Variants in PROS1 observed in about 807,000 individuals in gnomAD.
PROS1 encodes protein S.
In PROS1, 29 loss-of-function variants were observed where a neutral mutation model predicts 75.9. That is an observed-to-expected ratio of 0.38 (90% CI 0.28 to 0.52). PROS1 has a LOEUF of 0.52. PROS1 is among the 20% of genes least tolerant of loss of function. The pLI, the probability that PROS1 is intolerant of heterozygous loss-of-function variation, is 0.83. For missense variants in PROS1, 680 were observed against 810.3 expected, an observed-to-expected ratio of 0.84 and a Z score of 1.95; for synonymous variants, 245 against 280.6, an observed-to-expected ratio of 0.87 and a Z score of 1.27.
intron 12 of PROS1, among the ~76,000 whole-genome samples, chr3:93,879,526 G>A (rs922950940): frequency 2.1e-4 from 32 of 152,122 alleles, no homozygotes; most frequent in African/African-American, 7.2e-4. Context: ...CCATCTTCCC[G>A]TTCTTCCTAG....
chr3:93,938,639 CCT>C (rs900677502), intron 1 of PROS1, among the ~76,000 whole-genome samples: 1 of 152,142 alleles, frequency 6.6e-6, no homozygotes, highest in African/African-American at 2.4e-5. Context: ...CTTCAATCTC[CCT>C]CTCTCGCTAT....
chr3:93,911,721 A>G (rs1708761942), intron 3 of PROS1, among the ~76,000 whole-genome samples: 1 of 152,248 alleles, frequency 6.6e-6, no homozygotes, highest in African/African-American at 2.4e-5. Flanking sequence ...TGCTGGTCTT[A>G]AAGTGGCACT....
At chr3:93,911,466 G>T (rs1708758886) in intron 3 of PROS1, among the ~76,000 whole-genome samples, 1 of 152,132 alleles carries the variant, frequency 6.6e-6, no homozygotes, top group Non-Finnish European at 1.5e-5. Flanking sequence ...CTTAGCTTTT[G>T]CCAAGGAACA....
At chr3:93,881,237 G>A (rs1708271506) in intron 12 of PROS1, among the ~76,000 whole-genome samples, 1 of 152,080 alleles carries the variant, frequency 6.6e-6, no homozygotes, top group Non-Finnish European at 1.5e-5. Context: ...CAGGAGGATT[G>A]CTTGAGCCCA....
At chr3:93,971,377 A>G (rs527843343) in intron 1 of PROS1, among the ~76,000 whole-genome samples, 1 of 148,668 alleles carries the variant, frequency 6.7e-6, no homozygotes, top group Non-Finnish European at 1.5e-5. Flanking sequence ...ATAAATAAAT[A>G]AATAAATAAA....
At chr3:93,909,270 C>T (rs1243132083) in intron 4 of PROS1, among the ~76,000 whole-genome samples, 2 of 151,724 alleles carry the variant, frequency 1.3e-5, no homozygotes, top group Non-Finnish European at 2.9e-5. Context: ...AAGACCCCAT[C>T]TCTATAAAAA....
chr3:93,910,772 G>C, intron 3 of PROS1, 67 bp from the exon 4 acceptor site: 1 of 1,321,776 alleles, frequency 7.6e-7, no homozygotes, highest in Non-Finnish European at 1.1e-6. Flanking sequence ...TTCATGGTAG[G>C]AACTGTCCCA....
At chr3:93,893,395 C>A (rs1434250825) in intron 9 of PROS1, among the ~76,000 whole-genome samples, 2 of 152,044 alleles carry the variant, frequency 1.3e-5, no homozygotes, top group Non-Finnish European at 2.9e-5. Context: ...TGTCATCTTT[C>A]TTTGACATAT....
intron 1 of PROS1, chr3:93,973,465 C>G: frequency 1.6e-6 from 1 of 607,510 alleles, no homozygotes. Flanking sequence ...GTAGGCAATA[C>G]ATTCTCGCAA....
intron 1 of PROS1, chr3:93,928,753 T>A (rs767606472): frequency 7.7e-7 from 1 of 1,295,832 alleles, no homozygotes; most frequent in African/African-American, 1.5e-5. Context: ...AATACAGAAA[T>A]GCATGCACGG....
rs1187821662 is a variant in PROS1 at position 93,898,546 on chromosome 3, T to G, written c.751A>C (p.Met251Leu). Reference sequence around the variant, plus strand: ...TAATTGACACAAAGCTGAGCACACATGTTCTCAGAGCATTCATCTATATCT... The same window carrying G: ...TAATTGACACAAAGCTGAGCACACAGGTTCTCAGAGCATTCATCTATATCT... ...CEDIDECSEN[M>L]CAQLCVNYPG... The change falls in exon 8 of 15, where the codon ATG (methionine) becomes CTG (leucine). Residue 251 changes from methionine to leucine, a missense_variant. Met to Leu is a conservative substitution (Grantham distance 15). Transcript: ENST00000394236. 2 of 1,612,620 alleles carry G rather than the reference T, an allele frequency of 1.2e-6. No individual in the cohort carries two copies.
intron 1 of PROS1, among the ~76,000 whole-genome samples, chr3:93,961,752 C>G (rs2107261540): frequency 6.6e-6 from 1 of 152,302 alleles, no homozygotes; most frequent in East Asian, 1.9e-4. Context: ...TGCTTTCATT[C>G]CATTTGCTAG....
At chr3:93,874,876 A>C (rs950246392) in intron 14 of PROS1, among the ~76,000 whole-genome samples, 6 of 152,086 alleles carry the variant, frequency 3.9e-5, no homozygotes, top group Non-Finnish European at 8.8e-5. Flanking sequence ...GTATTTTTCC[A>C]AAGAAACAAT....
intron 2 of PROS1, among the ~76,000 whole-genome samples, chr3:93,925,649 C>T (rs973454092): frequency 5.9e-5 from 9 of 151,764 alleles, no homozygotes; most frequent in African/African-American, 1.5e-4. Context: ...CATGGCAAAA[C>T]GCCCTCTCGA....
intron 3 of PROS1, among the ~76,000 whole-genome samples, chr3:93,921,562 T>C (rs1708943828): frequency 6.6e-6 from 1 of 152,344 alleles, no homozygotes; most frequent in East Asian, 1.9e-4. Flanking sequence ...ACTTGTTTAA[T>C]ACTCGTTTGT....
At chr3:93,942,493 T>C (rs1709304605) in intron 1 of PROS1, among the ~76,000 whole-genome samples, 1 of 152,130 alleles carries the variant, frequency 6.6e-6, no homozygotes, top group Non-Finnish European at 1.5e-5. Context: ...CTCAGGACAG[T>C]GCTTAGGCTG....
At chr3:93,892,822 G>C (rs572125649) in intron 10 of PROS1, 111 bp downstream of exon 10, 1 of 949,076 alleles carries the variant, frequency 1.1e-6, no homozygotes. Flanking sequence ...ACCTCATATA[G>C]CATCAGATAA....
intron 1 of PROS1, among the ~76,000 whole-genome samples, chr3:93,942,862 T>C (rs1709310160): frequency 6.6e-6 from 1 of 152,122 alleles, no homozygotes; most frequent in Non-Finnish European, 1.5e-5. Flanking sequence ...CTCCCTTCCC[T>C]ACACATCAGG....
intron 1 of PROS1, among the ~76,000 whole-genome samples, chr3:93,954,149 C>T (rs1444166914): frequency 1.3e-5 from 2 of 152,140 alleles, no homozygotes; most frequent in Non-Finnish European, 2.9e-5. Context: ...GGCCATACTG[C>T]CCAAGGTAAT....
Sources: gnomAD v4.1 joint callset for allele counts (sites outside exome capture counted in the v4.1 genomes callset) on GRCh38, gnomAD v4.1.1 for gene constraint, MANE v1.5 for transcripts, NCBI Gene and HGNC (gene_info 2026-07-23, HGNC 2026-07-21) for gene names.